Variants in OGG1 observed in about 807,000 individuals in gnomAD.
The protein encoded by OGG1 is 8-oxoguanine DNA glycosylase.
In OGG1, 35 loss-of-function variants were observed where a neutral mutation model predicts 42.3. The observed-to-expected ratio is 0.83, with a 90% CI of 0.63 to 1.10. The LOEUF (loss-of-function observed/expected upper bound fraction) is 1.10, where lower values mean the gene tolerates loss of function less well. Among genes scored for constraint, OGG1 ranks in the 50% least tolerant of loss-of-function variants. OGG1 has a pLI of 0.00. For missense variants in OGG1, 484 were observed against 446.7 expected (o/e 1.08, Z -0.75); for synonymous variants, 189 against 179.0 (o/e 1.06, Z -0.44).
downstream of OGG1, chr3:9,759,848 A>T: frequency 6.2e-7 from 1 of 1,604,636 alleles, no homozygotes; most frequent in Non-Finnish European, 8.5e-7. Flanking sequence ...CCTGGCATCA[A>T]GACAAAGAGG....
At chr3:9,759,108 C>G, downstream of OGG1, 1 of 1,200,732 alleles carries the variant, frequency 8.3e-7, no homozygotes, top group Non-Finnish European at 1.2e-6. Flanking sequence ...CCAGTCTGGC[C>G]AGGCTTAGCA....
downstream of OGG1, chr3:9,759,837 G>C (rs1559695369): frequency 2.5e-6 from 4 of 1,608,434 alleles, no homozygotes; most frequent in African/African-American, 4.0e-5. Context: ...CTCAGGTCTG[G>C]CCTGGCATCA....
exon 4 of OGG1, chr3:9,788,023 A>ATGGAGAGGGGCAC: frequency 3.4e-6 from 1 of 294,006 alleles, no homozygotes; most frequent in Non-Finnish European, 6.7e-6. Flanking sequence ...GCCGAGGAAA[A>ATGGAGAGGGGCAC]TGGAGAGGGG....
At position 9,750,161 on chromosome 3, in the gene OGG1, T is replaced by A. The variant is rs1042339858; in HGVS notation, c.-126T>A. On this transcript the variant is annotated 5_prime_UTR_variant, in exon 1 of 7. Transcript: ENST00000344629. ...AGGAATTAAGTGAAACAGGGAAGGT[T>A]GTTAAACAGCACCGTGTGGGCGAGG... is the stretch of plus-strand genomic sequence containing the variant. 2 of 1,239,692 alleles carry A rather than the reference T, an allele frequency of 1.6e-6. No individual in the cohort carries two copies. The highest frequency in any genetic ancestry group is 2.9e-5 in the South Asian group (2 of 69,642). The allele number at this position is 1,239,692 out of a possible 1,614,324, so 76.8% of individuals were successfully genotyped here. A position where few individuals can be genotyped will look rare whatever the true frequency, so the allele number is the denominator to read the frequency against.
At chr3:9,761,068 A>C (rs901458490), downstream of OGG1, 1 of 386,698 alleles carries the variant, frequency 2.6e-6, no homozygotes, top group Non-Finnish European at 4.8e-6. Flanking sequence ...CTCCACAGCG[A>C]GCCCTTCCCT....
At chr3:9,773,590 A>G (rs899657415) in intron 2 of OGG1, among the ~76,000 whole-genome samples, 1 of 151,562 alleles carries the variant, frequency 6.6e-6, no homozygotes, top group African/African-American at 2.4e-5. Flanking sequence ...AGTCAAGGAA[A>G]GTCAAATGTT....
exon 8 of OGG1, chr3:9,766,207 G>A: frequency 1.3e-6 from 1 of 746,606 alleles, no homozygotes; most frequent in Non-Finnish European, 2.4e-6. Context: ...CACCACCTGG[G>A]GAGAGCCTGC....
chr3:9,766,496 A>C, exon 8 of OGG1: 1 of 420,402 alleles, frequency 2.4e-6, no homozygotes, highest in Non-Finnish European at 4.1e-6. Context: ...AAAGAAAAAA[A>C]AAAGAAATGC....
chr3:9,755,960 A>T (rs2077530366), intron 4 of OGG1, among the ~76,000 whole-genome samples: 1 of 152,140 alleles, frequency 6.6e-6, no homozygotes, highest in South Asian at 2.1e-4. Context: ...CCTTCTTCCC[A>T]GGTTATGATA....
intron 2 of OGG1, among the ~76,000 whole-genome samples, chr3:9,773,257 C>T (rs1257833084): frequency 1.1e-4 from 17 of 148,686 alleles, no homozygotes; most frequent in Admixed American, 4.0e-4. Flanking sequence ...TGGCTGGGTG[C>T]GGTGGCTAAC....
downstream of OGG1, chr3:9,760,537 G>A (rs1173385229): frequency 3.0e-6 from 3 of 988,180 alleles, no homozygotes; most frequent in Non-Finnish European, 4.8e-6. Flanking sequence ...CTCGAAGACA[G>A]CTCTTTGTGT....
chr3:9,764,400 C>T (rs1466644620), intron 7 of OGG1, among the ~76,000 whole-genome samples: 1 of 151,978 alleles, frequency 6.6e-6, no homozygotes, highest in African/African-American at 2.4e-5. Context: ...ACAATTTCTG[C>T]CTCCTGGGTT....
At chr3:9,785,274 A>G (rs763351842) in intron 3 of OGG1, 1 of 1,506,594 alleles carries the variant, frequency 6.6e-7, no homozygotes, top group South Asian at 1.1e-5. Flanking sequence ...AGCCAACAGA[A>G]GCGGGGGCCA....
chr3:9,757,420 T>A, downstream of OGG1: 1 of 1,606,348 alleles, frequency 6.2e-7, no homozygotes, highest in African/African-American at 1.3e-5. The surrounding 1 kb of genome is among the most constrained non-coding windows in gnomAD (Gnocchi z 4.5). Context: ...CAGTGAGGAG[T>A]GGTAGGGAAG....
At position 9,750,168 on chromosome 3, in the gene OGG1, C is replaced by T; in HGVS notation, c.-119C>T. 4 of 1,306,048 alleles carry T rather than the reference C, an allele frequency of 3.1e-6. No homozygotes were observed. Among genetic ancestry groups the T allele is most frequent in the South Asian group, 1.4e-5 (1 of 72,066 alleles). The allele number at this position is 1,306,048 out of a possible 1,614,324, so 80.9% of individuals were successfully genotyped here. A position where few individuals can be genotyped will look rare whatever the true frequency, so the allele number is the denominator to read the frequency against. On this transcript the variant is annotated 5_prime_UTR_variant, in exon 1 of 7. An upstream open reading frame in the 5' UTR gains an earlier in-frame stop. Transcript: ENST00000344629. Reference sequence around the variant, plus strand: ...AAGTGAAACAGGGAAGGTTGTTAAACAGCACCGTGTGGGCGAGGCCTTAAG... The same window carrying T: ...AAGTGAAACAGGGAAGGTTGTTAAATAGCACCGTGTGGGCGAGGCCTTAAG...
downstream of OGG1, among the ~76,000 whole-genome samples, chr3:9,768,171 C>T (rs902952895): frequency 1.3e-5 from 2 of 152,000 alleles, no homozygotes; most frequent in Non-Finnish European, 2.9e-5. Flanking sequence ...GTGATGTCCC[C>T]GCCCCACCCT....
At chr3:9,765,299 A>C (rs1384819161) in intron 7 of OGG1, among the ~76,000 whole-genome samples, 1 of 152,040 alleles carries the variant, frequency 6.6e-6, no homozygotes, top group East Asian at 1.9e-4. Flanking sequence ...ATTCTCTGTA[A>C]GTTTTCCAGT....
rs751717596 is a variant in OGG1, at chr3:9,751,112, T to G, written c.305T>G (p.Leu102Arg). 6.2e-7 allele frequency: 1 copy of G among 1,614,162 alleles called. No individual in the cohort carries two copies. The highest frequency in any genetic ancestry group is 1.1e-5 in the South Asian group (1 of 91,074). ...GAGGCCGTGCGCAAGTACTTCCAGC[T>G]AGATGTTACCCTGGCTCAACTGTAT... The part of the protein sequence containing the change: ...ELEAVRKYFQ[L>R]DVTLAQLYHH... Residue 102 changes from leucine to arginine, a missense_variant, in exon 2 of 7, where the codon CTA becomes CGA. Physicochemically the swap from Leu to Arg is moderately radical, Grantham distance 102 (BLOSUM62 -2). Coordinates refer to ENST00000344629, the MANE Select transcript of OGG1 (RefSeq NM_002542.6).
chr3:9,755,732 T>C (rs1232859573), intron 4 of OGG1, among the ~76,000 whole-genome samples: 3 of 152,014 alleles, frequency 2.0e-5, no homozygotes, highest in Non-Finnish European at 4.4e-5. Flanking sequence ...AGTGCTGGGA[T>C]TACAGGCGTG....
Sources: allele counts gnomAD v4.1 joint callset (sites outside exome capture counted in the v4.1 genomes callset), GRCh38; gene constraint gnomAD v4.1.1; non-coding constraint Gnocchi (gnomAD v3.1); transcripts MANE v1.5; gene names NCBI Gene and HGNC (gene_info 2026-07-23, HGNC 2026-07-21).